Variants in MYLK2 observed in about 807,000 individuals in gnomAD.
MYLK2 encodes the protein myosin light chain kinase 2, skeletal/cardiac muscle.
MYLK2 carries 27 observed loss-of-function variants against 58.2 expected under a neutral mutation model. The ratio of observed to expected loss-of-function variants is 0.46; its 90% CI spans 0.34 to 0.64. The LOEUF is 0.64. Ranked by LOEUF, MYLK2 falls within the 30% of genes least tolerant of loss-of-function variation. The pLI is 0.01. For synonymous variants in MYLK2, 310 were observed against 296.7 expected, an observed-to-expected ratio of 1.04 and a Z score of -0.46; for missense variants, 676 against 764.3, an observed-to-expected ratio of 0.88 and a Z score of 1.36.
intron 2 of MYLK2, 76 bp from the exon 3 acceptor site, chr20:31,820,050 G>A: frequency 6.3e-7 from 1 of 1,584,528 alleles, no homozygotes; most frequent in Admixed American, 1.7e-5. Context: ...TGGGCCCAGA[G>A]CTGGTCTCTG....
In MYLK2 at chr20:31,819,650, G is replaced by A. The variant is rs183666766; in HGVS notation, c.52+18G>A. On this transcript the variant is annotated intron_variant, in intron 2 of 12. Coordinates refer to ENST00000375985, the MANE Select transcript of MYLK2 (RefSeq NM_033118.4). ...ATCAACAGGTGCCAAGCTGGGGCAG[G>A]AGATGGAGGGAGGAGCTTGGGAAGG... 5.2e-6 allele frequency: 8 copies of A among 1,551,470 alleles called. No homozygotes were observed. Among genetic ancestry groups the A allele is most frequent in the Non-Finnish European group, 7.0e-6 (8 of 1,146,980 alleles).
chr20:31,824,175 G>A (rs2062266522), intron 5 of MYLK2, 84 bp from the exon 6 acceptor site: 2 of 1,555,216 alleles, frequency 1.3e-6, no homozygotes, highest in South Asian at 1.2e-5. Flanking sequence ...CTGGGTCTGG[G>A]ACCAAGTTAG....
At chr20:31,826,582 C>A in intron 6 of MYLK2, 23 bp from the exon 7 acceptor site, 1 of 1,613,822 alleles carries the variant, frequency 6.2e-7, no homozygotes, top group Admixed American at 1.7e-5. Flanking sequence ...CCAGCTGGTA[C>A]CCTTGACTTC....
chr20:31,822,609 G>A (rs1294670148), intron 4 of MYLK2, among the ~76,000 whole-genome samples: 2 of 152,154 alleles, frequency 1.3e-5, no homozygotes, highest in African/African-American at 4.8e-5. Context: ...GCAGGGCTGG[G>A]GGTGGGGTGA....
chr20:31,828,010 C>G (rs946302192), intron 8 of MYLK2, among the ~76,000 whole-genome samples: 5 of 151,578 alleles, frequency 3.3e-5, no homozygotes, highest in Non-Finnish European at 7.4e-5. Context: ...GCCTCAGCCT[C>G]CCGAGTAGCT....
At position 31,823,470 on chromosome 20, in the gene MYLK2, C is replaced by G. The variant is rs760391320; in HGVS notation, c.773-7C>G. The G allele has an allele frequency of 1.9e-6, 3 of 1,610,720 alleles. No individual in the cohort carries two copies. The highest frequency in any genetic ancestry group is 3.3e-5 in the Admixed American group (2 of 60,004). ...ACTGACCATGAGGGCTGTGCTCTGT[C>G]CCCCAGATGATTGCCCGCCACCTCC... On this transcript the variant is annotated splice_polypyrimidine_tract_variant and splice_region_variant and intron_variant, in intron 4 of 12. Transcript: ENST00000375985.
At chr20:31,831,612 T>C in intron 10 of MYLK2, 91 bp from the exon 11 acceptor site, 1 of 1,458,922 alleles carries the variant, frequency 6.9e-7, no homozygotes, top group East Asian at 2.3e-5. Flanking sequence ...CGGTGCTGCC[T>C]CCTAGGATCT....
At chr20:31,824,745 A>G (rs1344336267) in intron 6 of MYLK2, among the ~76,000 whole-genome samples, 1 of 152,120 alleles carries the variant, frequency 6.6e-6, no homozygotes. Flanking sequence ...CCTGGCCTAG[A>G]GCTTTGCCTC....
At chr20:31,824,918 T>G (rs1051329619) in intron 6 of MYLK2, among the ~76,000 whole-genome samples, 5 of 152,072 alleles carry the variant, frequency 3.3e-5, no homozygotes, top group African/African-American at 1.2e-4. Flanking sequence ...GGGGTAGCAT[T>G]TTGGGGTTCA....
Position 31,833,787 on chromosome 20 carries a change from T to C in MYLK2, c.1781T>C (p.Leu594Pro), listed in dbSNP as rs1376357104. ...AGCAGCTCGGGGGCACTGATGGCTC[T>C]GGGGGTCTGAGCCCTGGGCGCAGCT... Reference protein sequence around the residue: ...KISSSGALMALGV With the variant: ...KISSSGALMAPGV The change falls in exon 13 of 13, where the codon CTG (leucine) becomes CCG (proline). Residue 594 changes from leucine to proline, a missense_variant. Coordinates refer to ENST00000375985, the MANE Select transcript of MYLK2 (RefSeq NM_033118.4). 3 of 1,612,826 alleles carry C rather than the reference T, an allele frequency of 1.9e-6. No homozygotes were observed. The highest frequency in any genetic ancestry group is 2.5e-6 in the Non-Finnish European group (3 of 1,179,824).
At chr20:31,832,266 G>A (rs2062310973) in intron 12 of MYLK2, 130 bp downstream of exon 12, 35 of 1,353,396 alleles carry the variant, frequency 2.6e-5, no homozygotes, top group Non-Finnish European at 3.6e-5. Context: ...CGGAAGACAG[G>A]GTTGACTTTT....
chr20:31,827,649 G>A (rs980249607), intron 8 of MYLK2: 17 of 655,420 alleles, frequency 2.6e-5, no homozygotes, highest in African/African-American at 1.4e-4. Flanking sequence ...CTCCCGAGTA[G>A]CTGGGATTAC....
At position 31,821,666 on chromosome 20, in the gene MYLK2, C is replaced by A. The variant is rs781676155; in HGVS notation, c.701C>A (p.Pro234His). Residue 234 changes from proline to histidine, a missense_variant, in exon 4 of 13, where the codon CCC becomes CAC. By Grantham distance (77) the Pro-to-His change is moderately conservative. This residue lies in a region of MYLK2 where 306 missense variants were observed against 296.5 expected (regional missense o/e 1.03). Coordinates refer to ENST00000375985, the MANE Select transcript of MYLK2 (RefSeq NM_033118.4). ...AGGGGGATTGAGTTCCAGGCTGTTC[C>A]CTCAGAGAAATCCGAGGTGGGGCAG... ...TSRGIEFQAV[P>H]SEKSEVGQAL... The A allele has an allele frequency of 3.1e-6, 5 of 1,613,638 alleles. No individual in the cohort carries two copies. In the East Asian group the frequency reaches 1.1e-4, roughly 36 times the overall value.
At chr20:31,832,361 G>A (rs1309924223) in intron 12 of MYLK2, among the ~76,000 whole-genome samples, 1 of 152,174 alleles carries the variant, frequency 6.6e-6, no homozygotes, top group Non-Finnish European at 1.5e-5. Context: ...TGGGGCTCTG[G>A]CTTCCCTCCT....
intron 4 of MYLK2, among the ~76,000 whole-genome samples, chr20:31,823,095 C>G (rs1271763479): frequency 6.6e-6 from 1 of 152,198 alleles, no homozygotes; most frequent in Non-Finnish European, 1.5e-5. Context: ...CACCACCTAC[C>G]CCATTATTCA....
In MYLK2 at chr20:31,830,888, AGGTACCAC is replaced by A; in HGVS notation, c.1295_1295+7del. ...GATCATTGACTTTGGCCTGGCACGGAGGTACCACCTGGGTGGGTGGGGAGGGCAAGACA... is the reference window on the plus strand; with the variant it reads ...GATCATTGACTTTGGCCTGGCACGGACTGGGTGGGTGGGGAGGGCAAGACA... On this transcript the variant is annotated splice_donor_variant and splice_donor_5th_base_variant and coding_sequence_variant and intron_variant, in exon 9 of 13. Transcript: ENST00000375985. LOFTEE classifies it high-confidence loss of function. The A allele has an allele frequency of 9.6e-7, 1 of 1,045,610 alleles. No individual in the cohort carries two copies. The highest frequency in any genetic ancestry group is 1.3e-6 in the Non-Finnish European group (1 of 753,344). 64.8% of individuals were successfully genotyped at this position (1,045,610 alleles called of 1,614,324 possible). A position where few individuals can be genotyped will look rare whatever the true frequency, so the allele number is the denominator to read the frequency against.
At chr20:31,823,765 G>T (rs1294804326) in intron 5 of MYLK2, among the ~76,000 whole-genome samples, 183 bp downstream of exon 5, 2 of 152,224 alleles carry the variant, frequency 1.3e-5, no homozygotes, top group African/African-American at 4.8e-5. Context: ...TGCACTCAGT[G>T]TTGCTGTCAC....
At chr20:31,826,570 GC>G (rs1568631479) in intron 6 of MYLK2, 34 bp from the exon 7 acceptor site, 1 of 1,613,488 alleles carries the variant, frequency 6.2e-7, no homozygotes, top group Non-Finnish European at 8.5e-7. Flanking sequence ...GAGTGATGGT[GC>G]CCAGCTGGTA....
At chr20:31,826,570 G>T (rs138557261) in intron 6 of MYLK2, 35 bp from the exon 7 acceptor site, 1 of 1,613,370 alleles carries the variant, frequency 6.2e-7, no homozygotes, top group East Asian at 2.2e-5. Flanking sequence ...GAGTGATGGT[G>T]CCCAGCTGGT....
Sources: gnomAD v4.1 joint callset for allele counts (sites outside exome capture counted in the v4.1 genomes callset) on GRCh38, gnomAD v4.1.1 for gene constraint, gnomAD v4.1.1 regional missense constraint, MANE v1.5 for transcripts, NCBI Gene and HGNC (gene_info 2026-07-23, HGNC 2026-07-21) for gene names.